ZNF783: variants seen among roughly 807,000 people sequenced by gnomAD.
ZNF783 encodes zinc finger protein 783.
In ZNF783, 25 loss-of-function variants were observed where a neutral mutation model predicts 31.3. The ratio of observed to expected loss-of-function variants is 0.80; its 90% CI spans 0.58 to 1.11. The LOEUF is 1.11. Among genes scored for constraint, ZNF783 ranks in the 50% most tolerant of loss-of-function variants. The probability of loss-of-function intolerance (pLI) is 0.00; values close to 1 mark genes in which losing one functional copy is unlikely to be tolerated. For missense variants in ZNF783, 797 were observed against 760.0 expected, an observed-to-expected ratio of 1.05 and a Z score of -0.57; for synonymous variants, 369 against 319.1, an observed-to-expected ratio of 1.16 and a Z score of -1.66.
At chr7:149,267,588 G>C (rs1019855879) in intron 4 of ZNF783, among the ~76,000 whole-genome samples, 3 of 152,156 alleles carry the variant, frequency 2.0e-5, no homozygotes, top group African/African-American at 7.2e-5. Flanking sequence ...ATGAGGTCAG[G>C]AGATCGAGAC....
At chr7:149,273,815 A>G (rs895497621) in intron 4 of ZNF783, among the ~76,000 whole-genome samples, 1 of 152,208 alleles carries the variant, frequency 6.6e-6, no homozygotes, top group African/African-American at 2.4e-5. Context: ...AAGCACTGAG[A>G]TTAGAGGCAT....
chr7:149,268,263 G>A (rs1400332978), intron 4 of ZNF783, among the ~76,000 whole-genome samples: 3 of 151,838 alleles, frequency 2.0e-5, no homozygotes, highest in Admixed American at 6.6e-5. Flanking sequence ...CTAATACCTA[G>A]CCTTTGTTTT....
At position 149,279,640 on chromosome 7, in the gene ZNF783, T is replaced by G. The variant is rs545821370; in HGVS notation, c.802+1113T>G. Among the ~76,000 whole-genome samples the G allele has an allele frequency of 2.8e-4, 42 of 147,500 alleles. 1 individual carries two copies. Among genetic ancestry groups the G allele is most frequent in the African/African-American group, 1.0e-3 (41 of 40,950 alleles). On this transcript the variant is annotated intron_variant, in intron 5 of 5. Transcript: ENST00000434415. ...ACCAGCATTTTATCTTTGTTTTTTT[T>G]TTTTTTTTTTTTTTAATTTTTTTTT...
chr7:149,276,065 T>C (rs1040480072), intron 4 of ZNF783, among the ~76,000 whole-genome samples: 5 of 152,162 alleles, frequency 3.3e-5, no homozygotes, highest in African/African-American at 4.8e-5. Flanking sequence ...CATTTTTGTA[T>C]TTTTTTGTAG....
rs563073736 is a variant in ZNF783 at position 149,284,895 on chromosome 7, A to G, written c.*2552A>G. 1 of 152,388 alleles carries G rather than the reference A, an allele frequency of 6.6e-6. No homozygotes were observed. Among genetic ancestry groups the G allele is most frequent in the South Asian group, 2.1e-4 (1 of 4,834 alleles). The allele number at this position is 152,388 out of a possible 1,614,324, so 9.4% of individuals were successfully genotyped here. A position where few individuals can be genotyped will look rare whatever the true frequency, so the allele number is the denominator to read the frequency against. ...TCCTCGGTTTCCTCATTTGTGAAATAAATGAGTGGGCCACGACGTTAATAA... is the reference window on the plus strand; with the variant it reads ...TCCTCGGTTTCCTCATTTGTGAAATGAATGAGTGGGCCACGACGTTAATAA... On this transcript the variant is annotated 3_prime_UTR_variant, in exon 6 of 6. Transcript: ENST00000434415.
chr7:149,266,603 T>G lies in ZNF783; in HGVS notation c.293T>G (p.Val98Gly). The change falls in exon 2 of 6, where the codon GTG becomes GGG. Residue 98 changes from valine (V) to glycine (G), a missense_variant. Val to Gly is a moderately radical substitution (Grantham distance 109, BLOSUM62 -3). Transcript: ENST00000434415. ...FGNQLEGKWAVLGTLLQEYGL... is the reference protein window; with the variant it reads ...FGNQLEGKWAGLGTLLQEYGL... ...AACCAGCTGGAGGGCAAGTGGGCCG[T>G]GCTGGGGACCTTGCTGCAGGAGTAC... 6.2e-7 allele frequency: 1 copy of G among 1,614,062 alleles called. No individual in the cohort carries two copies. The highest frequency in any genetic ancestry group is 8.5e-7 in the Non-Finnish European group (1 of 1,180,006).
Sources: allele counts gnomAD v4.1 joint callset (sites outside exome capture counted in the v4.1 genomes callset), GRCh38; gene constraint gnomAD v4.1.1; transcripts MANE v1.5; gene names NCBI Gene and HGNC (gene_info 2026-07-23, HGNC 2026-07-21).